GSG1L: variants seen among roughly 807,000 people sequenced by gnomAD.
GSG1L encodes GSG1 like, also known as germ cell-specific gene 1-like protein.
Under a neutral mutation model 42.1 loss-of-function variants are expected in GSG1L, and 24 were observed. The ratio of observed to expected loss-of-function variants is 0.57; its 90% confidence interval spans 0.41 to 0.80. The LOEUF (loss-of-function observed/expected upper bound fraction) is 0.80, where lower values mean the gene tolerates loss of function less well. Ranked by LOEUF, GSG1L falls within the 30% of genes least tolerant of loss-of-function variation. GSG1L has a pLI of 0.00. For missense variants in GSG1L, 445 were observed against 472.2 expected (o/e 0.94, Z 0.53); for synonymous variants, 215 against 203.5 (o/e 1.06, Z -0.48).
intron 2 of GSG1L, among the ~76,000 whole-genome samples, chr16:27,946,308 G>C (rs1467000744): frequency 1.3e-5 from 2 of 152,036 alleles, no homozygotes; most frequent in African/African-American, 2.4e-5. Context: ...ACTTTGGGAG[G>C]CCAAGGTGGG....
chr16:27,811,931 G>A (rs139470011), intron 5 of GSG1L, among the ~76,000 whole-genome samples: 244 of 152,268 alleles, frequency 1.6e-3, no homozygotes, highest in African/African-American at 5.4e-3. Context: ...GATTACAGGC[G>A]TGAGCCACCA....
At chr16:27,916,123 GA>G (rs1314205899) in intron 2 of GSG1L, among the ~76,000 whole-genome samples, 1 of 152,016 alleles carries the variant, frequency 6.6e-6, no homozygotes, top group Non-Finnish European at 1.5e-5. Flanking sequence ...ACCCAATGAG[GA>G]AAAAAGGCGT....
chr16:27,823,730 C>T, intron 5 of GSG1L: 2 of 624,976 alleles, frequency 3.2e-6, no homozygotes, highest in Non-Finnish European at 2.9e-6. Flanking sequence ...AGCCATGGGA[C>T]TCCCTTTACT....
Position 28,046,653 on chromosome 16 carries a change from C to A in GSG1L, c.349+16423G>T, listed in dbSNP as rs2086163720. Among the ~76,000 whole-genome samples the A allele has an allele frequency of 2.0e-5, 3 of 152,106 alleles. No individual in the cohort carries two copies. In the South Asian group the frequency reaches 6.2e-4, roughly 31 times the overall value. ...ACAGGCTTGAGCCACCAAGCCCGGCCCGAAATCCAGTCTTCGTGGCCGTCT... is the reference window on the plus strand; with the variant it reads ...ACAGGCTTGAGCCACCAAGCCCGGCACGAAATCCAGTCTTCGTGGCCGTCT... On this transcript the variant is annotated intron_variant, in intron 1 of 6. Coordinates refer to ENST00000447459, the MANE Select transcript of GSG1L (RefSeq NM_001109763.2).
chr16:27,994,577 T>C (rs1480724050), intron 1 of GSG1L, among the ~76,000 whole-genome samples: 1 of 152,184 alleles, frequency 6.6e-6, no homozygotes, highest in Non-Finnish European at 1.5e-5. Flanking sequence ...CACACACACG[T>C]GCACATACAT....
At chr16:27,957,922 A>C (rs1318709841) in intron 2 of GSG1L, among the ~76,000 whole-genome samples, 2 of 152,124 alleles carry the variant, frequency 1.3e-5, no homozygotes, top group African/African-American at 4.8e-5. Context: ...AGGAGGTGCT[A>C]GGCTCTTTTA....
At chr16:27,947,384 A>AAAAGAAAGTAAG (rs2084886400) in intron 2 of GSG1L, among the ~76,000 whole-genome samples, 1 of 130,678 alleles carries the variant, frequency 7.7e-6, no homozygotes, top group African/African-American at 2.9e-5. Context: ...GAAAGAAAGA[A>AAAAGAAAGTAAG]AAAGAAAGAA....
chr16:27,875,936 G>C (rs529438611), intron 3 of GSG1L, among the ~76,000 whole-genome samples: 24 of 152,228 alleles, frequency 1.6e-4, no homozygotes, highest in Admixed American at 1.6e-3. Context: ...ATAGATTCCT[G>C]ATTACATGAT....
At position 27,863,557 on chromosome 16, in the gene GSG1L, A is replaced by G. The variant is rs2083680303; in HGVS notation, c.551-18496T>C. Among the ~76,000 whole-genome samples the G allele has an allele frequency of 2.0e-5, 3 of 152,184 alleles. No individual in the cohort carries two copies. In the South Asian group the frequency reaches 6.2e-4, roughly 32 times the overall value. ...AACTTTTAACTGATGAATTTAACCCAGTTACATTTATTGTAATTTGAATTT... is the reference window on the plus strand; with the variant it reads ...AACTTTTAACTGATGAATTTAACCCGGTTACATTTATTGTAATTTGAATTT... On this transcript the variant is annotated intron_variant, in intron 3 of 6. Transcript: ENST00000447459.
chr16:27,796,067 A>G (rs2082814651), intron 6 of GSG1L, among the ~76,000 whole-genome samples: 1 of 152,206 alleles, frequency 6.6e-6, no homozygotes, highest in African/African-American at 2.4e-5. Flanking sequence ...GTCTCTCTGC[A>G]GCTGGCAGAG....
chr16:28,002,929 C>A (rs1298642564), intron 1 of GSG1L, among the ~76,000 whole-genome samples: 1 of 150,682 alleles, frequency 6.6e-6, no homozygotes, highest in African/African-American at 2.5e-5. Flanking sequence ...GAGCGAGACT[C>A]CGTCTCAGAA....
At chr16:27,801,426 T>C (rs923492281) in intron 6 of GSG1L, among the ~76,000 whole-genome samples, 9 of 152,202 alleles carry the variant, frequency 5.9e-5, no homozygotes, top group African/African-American at 2.2e-4. Context: ...AAGTGTTTAA[T>C]AATGCCGGCT....
At chr16:27,980,322 T>C (rs1347845332) in intron 1 of GSG1L, among the ~76,000 whole-genome samples, 1 of 152,092 alleles carries the variant, frequency 6.6e-6, no homozygotes, top group African/African-American at 2.4e-5. Context: ...AGATCCTGGG[T>C]CTGAAGATCG....
At chr16:28,037,759 C>T (rs1392872360) in intron 1 of GSG1L, among the ~76,000 whole-genome samples, 2 of 152,232 alleles carry the variant, frequency 1.3e-5, no homozygotes, top group Non-Finnish European at 2.9e-5. Flanking sequence ...TGGAGTCTCT[C>T]ACATGTTGCT....
intron 1 of GSG1L, among the ~76,000 whole-genome samples, chr16:28,006,467 C>T (rs12920026): frequency 0.18 from 27,098 of 151,844 alleles, 2,524 homozygotes; most frequent in Admixed American, 0.26. Flanking sequence ...CACCACCATG[C>T]CTGGCTAATT....
intron 1 of GSG1L, among the ~76,000 whole-genome samples, chr16:28,018,078 A>G (rs1454466364): frequency 6.6e-6 from 1 of 152,264 alleles, no homozygotes. Flanking sequence ...CCCCAGAAAT[A>G]TGATAGAGCC....
At chr16:27,861,391 T>TA (rs936625025) in intron 3 of GSG1L, among the ~76,000 whole-genome samples, 5 of 150,194 alleles carry the variant, frequency 3.3e-5, no homozygotes, top group Admixed American at 1.3e-4. Flanking sequence ...AATTAAAAAT[T>TA]AAAAAAAAGA....
At chr16:27,798,704 CACTGAGG>C (rs1321133572) in intron 6 of GSG1L, among the ~76,000 whole-genome samples, 2 of 152,172 alleles carry the variant, frequency 1.3e-5, no homozygotes, top group Non-Finnish European at 2.9e-5. Context: ...GCCTGTCCCA[CACTGAGG>C]AATTGGGCTC....
At position 27,881,588 on chromosome 16, in the gene GSG1L, G is replaced by A. The variant is rs553057847; in HGVS notation, c.550+2898C>T. On this transcript the variant is annotated intron_variant, in intron 3 of 6. Coordinates refer to ENST00000447459, the MANE Select transcript of GSG1L (RefSeq NM_001109763.2). ...GCATTTTGAGATAGCTGCAGCTGTGGTGAGATTTCATGAAAAGTACAGATT... is the reference window on the plus strand; with the variant it reads ...GCATTTTGAGATAGCTGCAGCTGTGATGAGATTTCATGAAAAGTACAGATT... 2.6e-5 allele frequency among the ~76,000 whole-genome samples: 4 copies of A among 152,254 alleles called. No homozygotes were observed. In the South Asian group the frequency reaches 8.3e-4, roughly 32 times the overall value.
Sources: allele counts gnomAD v4.1 joint callset (sites outside exome capture counted in the v4.1 genomes callset), GRCh38; gene constraint gnomAD v4.1.1; transcripts MANE v1.5; gene names NCBI Gene and HGNC (gene_info 2026-07-23, HGNC 2026-07-21).